ITIH5: variants seen among roughly 807,000 people sequenced by gnomAD.
The protein encoded by ITIH5 is inter-alpha-trypsin inhibitor heavy chain 5.
Under a neutral mutation model 77.5 loss-of-function variants are expected in ITIH5, and 65 were observed. The observed-to-expected ratio is 0.84, with a 90% confidence interval of 0.69 to 1.03. The LOEUF (loss-of-function observed/expected upper bound fraction) is 1.03. Ranked by LOEUF, ITIH5 falls within the 50% of genes least tolerant of loss-of-function variation. The pLI is 0.00. For missense variants in ITIH5, 1,208 were observed against 1,213.1 expected, an observed-to-expected ratio of 1.00 and a Z score of 0.06; for synonymous variants, 525 against 494.3, an observed-to-expected ratio of 1.06 and a Z score of -0.82.
At chr10:7,607,504 G>A (rs1833148837) in intron 7 of ITIH5, among the ~76,000 whole-genome samples, 1 of 152,182 alleles carries the variant, frequency 6.6e-6, no homozygotes, top group Non-Finnish European at 1.5e-5. Flanking sequence ...GGAGGGGAGA[G>A]GGGAGAAACT....
At chr10:7,663,820 C>T (rs1194127068) in intron 1 of ITIH5, among the ~76,000 whole-genome samples, 1 of 152,164 alleles carries the variant, frequency 6.6e-6, no homozygotes, top group Non-Finnish European at 1.5e-5. Context: ...TCCGGCACCA[C>T]ATGGAGTACT....
chr10:7,595,783 C>T (rs980387307), intron 7 of ITIH5, among the ~76,000 whole-genome samples: 7 of 152,008 alleles, frequency 4.6e-5, no homozygotes, highest in Non-Finnish European at 7.4e-5. Flanking sequence ...CCGAGGCGGG[C>T]GGATCATGAG....
chr10:7,615,569 G>C (rs1426756764), intron 7 of ITIH5, among the ~76,000 whole-genome samples: 1 of 152,168 alleles, frequency 6.6e-6, no homozygotes, highest in Admixed American at 6.5e-5. Context: ...TAAATTTTGT[G>C]ACATCAGTCC....
At chr10:7,600,753 G>A (rs1832998324) in intron 7 of ITIH5, among the ~76,000 whole-genome samples, 1 of 152,182 alleles carries the variant, frequency 6.6e-6, no homozygotes, top group African/African-American at 2.4e-5. Flanking sequence ...ACTTTAGGAG[G>A]TAATTAGGTC....
intron 7 of ITIH5, among the ~76,000 whole-genome samples, chr10:7,589,040 G>A (rs1349093888): frequency 6.6e-6 from 1 of 152,216 alleles, no homozygotes; most frequent in Non-Finnish European, 1.5e-5. Flanking sequence ...CCCTTTTAAC[G>A]TGCAGCAAAT....
intron 8 of ITIH5, among the ~76,000 whole-genome samples, chr10:7,585,061 G>A (rs947176771): frequency 6.6e-6 from 1 of 152,184 alleles, no homozygotes; most frequent in African/African-American, 2.4e-5. Context: ...AGACTGAACA[G>A]AGTGTTTTGT....
intron 9 of ITIH5, 117 bp downstream of exon 9, chr10:7,579,638 T>C: frequency 3.0e-6 from 3 of 996,496 alleles, no homozygotes; most frequent in Non-Finnish European, 4.6e-6. Flanking sequence ...TGAGCTATGA[T>C]CGTTGTCAGC....
At chr10:7,599,105 T>C (rs189785213) in intron 7 of ITIH5, among the ~76,000 whole-genome samples, 4 of 152,356 alleles carry the variant, frequency 2.6e-5, no homozygotes, top group Admixed American at 2.0e-4. Flanking sequence ...CTTTACGACA[T>C]AGTAGGCAAA....
Position 7,666,886 on chromosome 10 carries a change from G to A in ITIH5, c.7C>T (p.Leu3=), listed in dbSNP as rs1834372391. The A allele has an allele frequency of 6.3e-7, 1 of 1,590,930 alleles. No homozygotes were observed. The highest frequency in any genetic ancestry group is 8.5e-7 in the Non-Finnish European group (1 of 1,170,934). ML[L]LLGLCLGLSL... ...AGCCCCAGGCACAGCCCCAGCAGCA[G>A]GAGCATGGCGGGGCGAGGGCGCGGG... The change falls in exon 1 of 14, where the codon CTG becomes TTG. Residue 3 remains leucine (L), a synonymous_variant. Transcript: ENST00000397146.
chr10:7,657,935 A>G (rs1017429878), intron 1 of ITIH5, among the ~76,000 whole-genome samples: 2 of 152,216 alleles, frequency 1.3e-5, no homozygotes, highest in Admixed American at 6.5e-5. Context: ...CCCACTGCTG[A>G]CCCAAGATGG....
chr10:7,593,421 C>A (rs1324069205), intron 7 of ITIH5, among the ~76,000 whole-genome samples: 22 of 83,666 alleles, frequency 2.6e-4, no homozygotes, highest in African/African-American at 7.8e-4. Flanking sequence ...TGCAGCCACC[C>A]AGCCCCACTC....
chr10:7,632,191 T>C (rs1322512730), intron 5 of ITIH5, among the ~76,000 whole-genome samples: 1 of 152,194 alleles, frequency 6.6e-6, no homozygotes, highest in African/African-American at 2.4e-5. Flanking sequence ...AGGGAATAGA[T>C]CTCAACCTTT....
chr10:7,653,916 A>G (rs922974574), intron 2 of ITIH5, among the ~76,000 whole-genome samples: 2 of 152,152 alleles, frequency 1.3e-5, no homozygotes, highest in Non-Finnish European at 2.9e-5. Context: ...ACACTTTGGG[A>G]GGCCGAGGTG....
At chr10:7,646,191 A>G (rs1258429745) in intron 2 of ITIH5, among the ~76,000 whole-genome samples, 1 of 152,244 alleles carries the variant, frequency 6.6e-6, no homozygotes, top group Non-Finnish European at 1.5e-5. Flanking sequence ...GAAAGTAAAT[A>G]GGAATCAATG....
intron 10 of ITIH5, among the ~76,000 whole-genome samples, chr10:7,574,793 G>A (rs1832373988): frequency 4.0e-5 from 1 of 24,910 alleles, no homozygotes; most frequent in South Asian, 2.0e-3. Context: ...ACTCCATCTC[G>A]GAAAAAAAAA....
intron 7 of ITIH5, among the ~76,000 whole-genome samples, chr10:7,602,526 T>C (rs1042841726): frequency 6.6e-6 from 1 of 152,162 alleles, no homozygotes; most frequent in Non-Finnish European, 1.5e-5. Context: ...CATCTGGCAT[T>C]TCCCCTGCTT....
chr10:7,631,696 T>A (rs1485643622), intron 5 of ITIH5, among the ~76,000 whole-genome samples: 3 of 152,090 alleles, frequency 2.0e-5, no homozygotes, highest in African/African-American at 7.2e-5. Flanking sequence ...TGAAAACTTG[T>A]CGGTGGAAAA....
intron 10 of ITIH5, among the ~76,000 whole-genome samples, chr10:7,575,800 T>C (rs1375541105): frequency 6.6e-6 from 1 of 152,158 alleles, no homozygotes; most frequent in African/African-American, 2.4e-5. Context: ...CACTGAAAAA[T>C]GGGCACTGGT....
At chr10:7,564,090 G>A (rs911235576) in intron 13 of ITIH5, among the ~76,000 whole-genome samples, 1 of 152,266 alleles carries the variant, frequency 6.6e-6, no homozygotes, top group Non-Finnish European at 1.5e-5. Flanking sequence ...CCCCCGGTGG[G>A]GGTGTCGCTC....
Sources: gnomAD v4.1 joint callset for allele counts (sites outside exome capture counted in the v4.1 genomes callset) on GRCh38, gnomAD v4.1.1 for gene constraint, MANE v1.5 for transcripts, NCBI Gene and HGNC (gene_info 2026-07-23, HGNC 2026-07-21) for gene names.